Variants in OSBPL3 observed in about 807,000 individuals in gnomAD.
OSBPL3 encodes oxysterol-binding protein-related protein 3.
A neutral mutation model predicts 120.1 loss-of-function variants in OSBPL3; 65 were observed. The ratio of observed to expected loss-of-function variants is 0.54; its 90% CI spans 0.44 to 0.67. The LOEUF is 0.67. Ranked by LOEUF, OSBPL3 falls within the 30% of genes least tolerant of loss-of-function variation. The pLI, the probability that OSBPL3 is intolerant of heterozygous loss-of-function variation, is 0.00. For missense variants in OSBPL3, 1,004 were observed against 1,082.1 expected, an observed-to-expected ratio of 0.93 and a Z score of 1.01; for synonymous variants, 416 against 402.6, an observed-to-expected ratio of 1.03 and a Z score of -0.40.
At chr7:24,920,427 C>T (rs1005972826) in intron 1 of OSBPL3, among the ~76,000 whole-genome samples, 1 of 151,948 alleles carries the variant, frequency 6.6e-6, no homozygotes, top group Non-Finnish European at 1.5e-5. Context: ...TATAAAATGT[C>T]CAGAATAAGC....
intron 12 of OSBPL3, among the ~76,000 whole-genome samples, chr7:24,848,811 C>T (rs558471809): frequency 4.0e-5 from 6 of 151,600 alleles, no homozygotes; most frequent in Admixed American, 2.6e-4. Flanking sequence ...CATTTAGGAG[C>T]GAAACAGAAA....
intron 12 of OSBPL3, among the ~76,000 whole-genome samples, chr7:24,842,956 G>T (rs1262273013): frequency 3.3e-5 from 5 of 152,228 alleles, no homozygotes; most frequent in Non-Finnish European, 7.3e-5. Flanking sequence ...ATGGATGAAT[G>T]ATGTAAGTTC....
Position 24,815,855 on chromosome 7 carries a change from G to A in OSBPL3, c.2028-652C>T, listed in dbSNP as rs1355321439. ...GGTGAAGTAACTTGCCCAGGGATTC[G>A]CTGTTAGTAAGTGCCAGAGTGAGCA... On this transcript the variant is annotated intron_variant, in intron 18 of 22. Coordinates refer to ENST00000313367, the MANE Select transcript of OSBPL3 (RefSeq NM_015550.4). This position sits in a 1 kb window ranked among gnomAD's most constrained non-coding sequence, Gnocchi z 5.1. Among the ~76,000 whole-genome samples the A allele has an allele frequency of 1.3e-5, 2 of 152,148 alleles. No homozygotes were observed. The highest frequency in any genetic ancestry group is 2.4e-5 in the African/African-American group (1 of 41,434).
chr7:24,898,254 G>A lies in OSBPL3; in HGVS notation c.-149-5633C>T, dbSNP rs148440183. Among the ~76,000 whole-genome samples the A allele has an allele frequency of 1.8e-4, 28 of 152,230 alleles. No homozygotes were observed. The highest frequency in any genetic ancestry group is 6.8e-3 in the Middle Eastern group (2 of 294). On this transcript the variant is annotated intron_variant, in intron 1 of 22. Coordinates refer to ENST00000313367, the MANE Select transcript of OSBPL3 (RefSeq NM_015550.4). This position sits in a 1 kb window ranked among gnomAD's most constrained non-coding sequence, Gnocchi z 4.3. The stretch of plus-strand genomic sequence containing the variant: ...GGTTCTAATCACAACTTCAGATACC[G>A]ATCGGTGATCCCGGACCTCTGAAGT...
intron 1 of OSBPL3, among the ~76,000 whole-genome samples, chr7:24,963,834 A>G (rs1279871483): frequency 6.6e-6 from 1 of 152,230 alleles, no homozygotes; most frequent in East Asian, 1.9e-4. Context: ...GATGAAATCA[A>G]TTTAGTGGAT....
chr7:24,800,323 G>A lies in OSBPL3; in HGVS notation c.2568-44C>T, dbSNP rs369314264. ...TTTCTTGCAGACTCTTGAAACCAGC[G>A]TCACATTCTCAAGTCTCTTTCCTTC... On this transcript the variant is annotated intron_variant, in intron 22 of 22. Coordinates refer to ENST00000313367, the MANE Select transcript of OSBPL3 (RefSeq NM_015550.4). The A allele has an allele frequency of 2.1e-4, 239 of 1,143,128 alleles. 1 individual carries two copies. The highest frequency in any genetic ancestry group is 5.8e-4 in the Middle Eastern group (3 of 5,182). 70.8% of individuals were successfully genotyped at this position (1,143,128 alleles called of 1,614,324 possible).
intron 1 of OSBPL3, among the ~76,000 whole-genome samples, chr7:24,919,149 G>A (rs1810071998): frequency 1.3e-5 from 2 of 152,052 alleles, no homozygotes; most frequent in South Asian, 4.1e-4. Flanking sequence ...ACTTCATAAT[G>A]ACAAAGAAAA....
At chr7:24,861,884 CTTT>C (rs11324094) in intron 9 of OSBPL3, 115 bp from the exon 10 acceptor site, 4,451 of 297,868 alleles carry the variant, frequency 0.015, 6 homozygotes, top group South Asian at 0.033. Context: ...ATAGGTAGGT[CTTT>C]TTTTTTTTTT....
chr7:24,859,784 A>G (rs1800273136), intron 10 of OSBPL3, among the ~76,000 whole-genome samples: 1 of 152,222 alleles, frequency 6.6e-6, no homozygotes. Context: ...AGTAATTAGC[A>G]AATACCTGAC....
At chr7:24,978,429 T>C (rs2128553930) in intron 1 of OSBPL3, among the ~76,000 whole-genome samples, 1 of 152,342 alleles carries the variant, frequency 6.6e-6, no homozygotes, top group African/African-American at 2.4e-5. Flanking sequence ...ACTTACATCC[T>C]AATGAGGGAA....
chr7:24,863,496 C>G lies in OSBPL3; in HGVS notation c.777G>C (p.Gln259His). Residue 259 changes from glutamine (Q) to histidine (H), a missense_variant and splice_region_variant, in exon 8 of 23, where the codon CAG becomes CAC. Gln to His is a conservative substitution (Grantham distance 24, BLOSUM62 0). Transcript: ENST00000313367. The surrounding 1 kb of genome is among the most constrained non-coding windows in gnomAD (Gnocchi z 5.8). ...TCAACAGAAGAGGAGTCCGGCTCAC[C>G]TGGATGGCGTTGATAGCTGGTGCCG... Reference protein sequence around the residue: ...TYSAPAINAIQGGSFESPKKE... With the variant: ...TYSAPAINAIHGGSFESPKKE... 6.2e-7 allele frequency: 1 copy of G among 1,611,386 alleles called. No individual in the cohort carries two copies. Among genetic ancestry groups the G allele is most frequent in the Admixed American group, 1.7e-5 (1 of 60,006 alleles).
Position 24,952,353 on chromosome 7 carries a change from G to A in OSBPL3, c.-150+27533C>T, listed in dbSNP as rs980174231. On this transcript the variant is annotated intron_variant, in intron 1 of 22. Coordinates refer to ENST00000313367, the MANE Select transcript of OSBPL3 (RefSeq NM_015550.4). This position sits in a 1 kb window ranked among gnomAD's most constrained non-coding sequence, Gnocchi z 4.4. ...CTGAGGCCCACAAGGCTCAAGTTTT[G>A]CCCAATGTCATGTAATCACTAATCA... Among the ~76,000 whole-genome samples, 1 of 152,120 alleles carries A rather than the reference G, an allele frequency of 6.6e-6. No homozygotes were observed. Among genetic ancestry groups the A allele is most frequent in the Non-Finnish European group, 1.5e-5 (1 of 68,016 alleles).
intron 10 of OSBPL3, among the ~76,000 whole-genome samples, chr7:24,856,367 G>A (rs552082957): frequency 2.0e-5 from 3 of 152,206 alleles, no homozygotes; most frequent in African/African-American, 7.2e-5. Context: ...TAGATGGAAT[G>A]TTTGGATAGT....
rs992230759 is a variant in OSBPL3 at position 24,798,475 on chromosome 7, CTG to C, written c.*1706_*1707del. On this transcript the variant is annotated 3_prime_UTR_variant, in exon 23 of 23. Coordinates refer to ENST00000313367, the MANE Select transcript of OSBPL3 (RefSeq NM_015550.4). This position sits in a 1 kb window ranked among gnomAD's most constrained non-coding sequence, Gnocchi z 4.6. Reference sequence around the variant, plus strand: ...ACAAAGCATACACCAAAGAATCTGACTGTGTCATTCAACTGCTTAGAAATGGA... The same window carrying C: ...ACAAAGCATACACCAAAGAATCTGACTGTCATTCAACTGCTTAGAAATGGA... The C allele has an allele frequency of 1.4e-4, 21 of 152,338 alleles. No individual in the cohort carries two copies. Among genetic ancestry groups the C allele is most frequent in the African/African-American group, 4.3e-4 (18 of 41,578 alleles). The allele number at this position is 152,338 out of a possible 1,614,324, so 9.4% of individuals were successfully genotyped here.
At chr7:24,814,572 C>T (rs1390619116) in intron 19 of OSBPL3, among the ~76,000 whole-genome samples, 3 of 152,142 alleles carry the variant, frequency 2.0e-5, no homozygotes, top group African/African-American at 7.2e-5. Context: ...GCAACCATCA[C>T]CACTATCTAT....
At chr7:24,905,498 T>C (rs1191285971) in intron 1 of OSBPL3, among the ~76,000 whole-genome samples, 1 of 152,080 alleles carries the variant, frequency 6.6e-6, no homozygotes, top group Non-Finnish European at 1.5e-5. Flanking sequence ...GACAGGAAAT[T>C]TCTGAAAAGT....
intron 5 of OSBPL3, among the ~76,000 whole-genome samples, chr7:24,868,338 AGTGT>A (rs55688298): frequency 0.16 from 21,842 of 137,654 alleles, 2,122 homozygotes; most frequent in African/African-American, 0.27. Context: ...AAAAAAAAAA[AGTGT>A]GTGTGTGTGT....
chr7:24,906,411 G>T, intron 1 of OSBPL3: 1 of 252,592 alleles, frequency 4.0e-6, no homozygotes, highest in African/African-American at 2.3e-5. Context: ...TGGAGTAGGA[G>T]GAACCTTTCC....
chr7:24,915,082 C>A (rs757477254), intron 1 of OSBPL3, among the ~76,000 whole-genome samples: 2 of 152,200 alleles, frequency 1.3e-5, no homozygotes, highest in Non-Finnish European at 2.9e-5. Context: ...AACCTACCAT[C>A]AGTCAGCCAA....
Sources: allele counts gnomAD v4.1 joint callset (sites outside exome capture counted in the v4.1 genomes callset), GRCh38; gene constraint gnomAD v4.1.1; non-coding constraint Gnocchi (gnomAD v3.1); transcripts MANE v1.5; gene names NCBI Gene and HGNC (gene_info 2026-07-23, HGNC 2026-07-21).